VPS13B: variants seen among roughly 807,000 people sequenced by gnomAD.
VPS13B encodes vacuolar protein sorting 13 homolog B.
VPS13B carries 285 observed loss-of-function variants against 426.4 expected under a neutral mutation model. The ratio of observed to expected loss-of-function variants is 0.67; its 90% CI spans 0.61 to 0.74. The LOEUF (loss-of-function observed/expected upper bound fraction) is 0.74. VPS13B is among the 30% of genes least tolerant of loss of function. The pLI, the probability that VPS13B is intolerant of heterozygous loss-of-function variation, is 0.00. For missense variants in VPS13B, 4,537 were observed against 4,782.6 expected (o/e 0.95, Z 1.51); for synonymous variants, 1,676 against 1,676.4 (o/e 1.00, Z 0.01).
At chr8:99,477,280 GT>G (rs1475668325) in intron 24 of VPS13B, among the ~76,000 whole-genome samples, 1 of 152,042 alleles carries the variant, frequency 6.6e-6, no homozygotes, top group Non-Finnish European at 1.5e-5. Flanking sequence ...GTCTTTTACT[GT>G]TTTTTCTTTT....
chr8:99,013,420 A>G, intron 1 of VPS13B, 73 bp downstream of exon 1: 1 of 350,180 alleles, frequency 2.9e-6, no homozygotes, highest in Non-Finnish European at 5.5e-6. Flanking sequence ...CTATGGTGGC[A>G]GATCCGGCTG....
chr8:99,864,944 T>C (rs559533351), intron 58 of VPS13B, among the ~76,000 whole-genome samples: 29 of 152,234 alleles, frequency 1.9e-4, no homozygotes, highest in Admixed American at 1.2e-3. Flanking sequence ...TTCCCCCAAA[T>C]GTTTACGGGT....
At chr8:99,068,774 G>A (rs892372788) in intron 3 of VPS13B, among the ~76,000 whole-genome samples, 2 of 152,230 alleles carry the variant, frequency 1.3e-5, no homozygotes, top group Non-Finnish European at 2.9e-5. Context: ...TCACTATCAC[G>A]AGAACAGCAT....
At chr8:99,700,018 A>T (rs1832201181) in intron 36 of VPS13B, 86 bp downstream of exon 36, 1 of 1,505,198 alleles carries the variant, frequency 6.6e-7, no homozygotes, top group Non-Finnish European at 9.0e-7. Context: ...GAAGATTTAT[A>T]TTATGTAGAA....
At chr8:99,131,710 C>T (rs1196491290) in intron 8 of VPS13B, among the ~76,000 whole-genome samples, 3 of 152,096 alleles carry the variant, frequency 2.0e-5, no homozygotes, top group African/African-American at 7.2e-5. Context: ...TAACTTTTTG[C>T]TGGTGGAGGG....
chr8:99,808,375 A>C (rs1234197064), intron 43 of VPS13B, among the ~76,000 whole-genome samples: 2 of 151,872 alleles, frequency 1.3e-5, no homozygotes, highest in Non-Finnish European at 2.9e-5. Context: ...AAAATTAGCC[A>C]GTCGTGGTGG....
chr8:99,555,338 C>T (rs1824496997), intron 30 of VPS13B, among the ~76,000 whole-genome samples: 2 of 152,136 alleles, frequency 1.3e-5, no homozygotes, highest in South Asian at 4.2e-4. Flanking sequence ...CAGATTTTGC[C>T]TTTTTCTATA....
chr8:99,293,142 T>C (rs1329157787), intron 19 of VPS13B, among the ~76,000 whole-genome samples: 2 of 149,386 alleles, frequency 1.3e-5, no homozygotes, highest in Admixed American at 6.7e-5. Flanking sequence ...CTTCAAACTA[T>C]ACTACAAGGC....
At chr8:99,655,671 A>T (rs1036289995) in intron 34 of VPS13B, among the ~76,000 whole-genome samples, 1 of 152,182 alleles carries the variant, frequency 6.6e-6, no homozygotes, top group Non-Finnish European at 1.5e-5. Context: ...GCCTTGTCAG[A>T]TGCTTTTCCT....
chr8:99,174,489 A>G (rs990045622), intron 16 of VPS13B, among the ~76,000 whole-genome samples: 2 of 152,176 alleles, frequency 1.3e-5, no homozygotes, highest in Non-Finnish European at 2.9e-5. Flanking sequence ...TTTTTTGATA[A>G]TAGCTATCGT....
chr8:99,019,812 C>T (rs1841799452), intron 2 of VPS13B, among the ~76,000 whole-genome samples: 1 of 152,156 alleles, frequency 6.6e-6, no homozygotes, highest in African/African-American at 2.4e-5. Flanking sequence ...TAGCATATGC[C>T]ACTATGTCCT....
chr8:99,834,546 A>T (rs6995660), intron 52 of VPS13B, among the ~76,000 whole-genome samples: 26,180 of 145,568 alleles, frequency 0.18, 2,687 homozygotes, highest in East Asian at 0.35. Flanking sequence ...TTTATTTTTT[A>T]TTTTTTTTGA....
intron 19 of VPS13B, among the ~76,000 whole-genome samples, chr8:99,366,243 T>C (rs1812882365): frequency 6.6e-6 from 1 of 152,210 alleles, no homozygotes; most frequent in Admixed American, 6.5e-5. Context: ...CTAGCTCTAA[T>C]AATATTTGCT....
At chr8:99,632,964 A>C (rs1472367991) in intron 33 of VPS13B, among the ~76,000 whole-genome samples, 3 of 151,998 alleles carry the variant, frequency 2.0e-5, no homozygotes, top group Non-Finnish European at 4.4e-5. Context: ...CAGGTTTTTT[A>C]AATTAAATAG....
chr8:99,773,028 A>G (rs16897681), intron 40 of VPS13B, among the ~76,000 whole-genome samples: 2,957 of 152,308 alleles, frequency 0.019, 47 homozygotes, highest in South Asian at 0.048. Flanking sequence ...TGTAGCCAGT[A>G]TGGTACCTTG....
intron 33 of VPS13B, among the ~76,000 whole-genome samples, chr8:99,626,958 G>A (rs1193429071): frequency 1.3e-5 from 2 of 152,162 alleles, no homozygotes; most frequent in East Asian, 3.8e-4. Flanking sequence ...GGAAAATTCT[G>A]TCTTTTGTGA....
intron 15 of VPS13B, among the ~76,000 whole-genome samples, chr8:99,166,172 G>A (rs1408772565): frequency 6.6e-6 from 1 of 152,098 alleles, no homozygotes; most frequent in Admixed American, 6.6e-5. Context: ...GTGGAGACGG[G>A]ACTTCACTAT....
intron 24 of VPS13B, among the ~76,000 whole-genome samples, chr8:99,479,264 A>G (rs1819910852): frequency 6.6e-6 from 1 of 152,140 alleles, no homozygotes. Flanking sequence ...CTCCAGTGAA[A>G]TTGAATCTTT....
intron 17 of VPS13B, among the ~76,000 whole-genome samples, chr8:99,203,741 A>G (rs1405339864): frequency 6.6e-6 from 1 of 152,244 alleles, no homozygotes; most frequent in Non-Finnish European, 1.5e-5. Flanking sequence ...CCAAATCATG[A>G]GCAAACTCCC....
Sources: gnomAD v4.1 joint callset for allele counts (sites outside exome capture counted in the v4.1 genomes callset) on GRCh38, gnomAD v4.1.1 for gene constraint, MANE v1.5 for transcripts, NCBI Gene and HGNC (gene_info 2026-07-23, HGNC 2026-07-21) for gene names.